THSD4: variants seen among roughly 807,000 people sequenced by gnomAD.
The protein encoded by THSD4 is thrombospondin type-1 domain-containing protein 4.
A neutral mutation model predicts 119.0 loss-of-function variants in THSD4; 69 were observed. The ratio of observed to expected loss-of-function variants is 0.58; its 90% CI spans 0.48 to 0.71. THSD4 has a LOEUF of 0.71. THSD4 is among the 30% of genes least tolerant of loss of function. The pLI is 0.00. For synonymous variants in THSD4, 524 were observed against 540.4 expected (o/e 0.97, Z 0.42); for missense variants, 1,393 against 1,391.1 (o/e 1.00, Z -0.02).
intron 1 of THSD4, among the ~76,000 whole-genome samples, chr15:71,103,735 G>A (rs1201008105): frequency 1.3e-5 from 2 of 151,620 alleles, no homozygotes; most frequent in Non-Finnish European, 2.9e-5. Context: ...CACCACCACT[G>A]CTGCTACAAT....
intron 8 of THSD4, among the ~76,000 whole-genome samples, chr15:71,712,846 A>T (rs986041933): frequency 6.6e-6 from 1 of 152,192 alleles, no homozygotes; most frequent in Non-Finnish European, 1.5e-5. Context: ...TACATACCCT[A>T]TGCTTCCGTT....
chr15:71,777,304 A>G lies in THSD4; in HGVS notation c.2987A>G (p.Tyr996Cys), dbSNP rs764957885. ...VQARLCVYNYYKTACCASCTR... is the reference protein window; with the variant it reads ...VQARLCVYNYCKTACCASCTR... ...GCAAGACTCTGTGTCTACAACTACT[A>G]CAAGACCGCCTGCTGTGCCTCCTGC... The change falls in exon 18 of 18, where the codon TAC (tyrosine) becomes TGC (cysteine). Residue 996 changes from tyrosine (Y) to cysteine (C), a missense_variant. Tyr to Cys is a radical substitution (Grantham distance 194). Transcript: ENST00000261862. The G allele has an allele frequency of 1.2e-6, 2 of 1,614,246 alleles. No individual in the cohort carries two copies. Among genetic ancestry groups the G allele is most frequent in the Non-Finnish European group, 1.7e-6 (2 of 1,180,042 alleles).
intron 8 of THSD4, among the ~76,000 whole-genome samples, chr15:71,726,920 A>C (rs1200500738): frequency 6.6e-6 from 1 of 151,798 alleles, no homozygotes; most frequent in Non-Finnish European, 1.5e-5. Context: ...CTGGGCAACA[A>C]GAACGAAACG....
chr15:71,751,565 C>G (rs1227865646), intron 14 of THSD4, among the ~76,000 whole-genome samples: 6 of 152,022 alleles, frequency 3.9e-5, no homozygotes, highest in African/African-American at 1.4e-4. Context: ...AGCATAAAAT[C>G]TTTAAAACAT....
At chr15:71,109,985 C>A (rs1286816707) in intron 1 of THSD4, among the ~76,000 whole-genome samples, 1 of 152,206 alleles carries the variant, frequency 6.6e-6, no homozygotes, top group Non-Finnish European at 1.5e-5. Context: ...AAAATTAATT[C>A]ATTCAACAAG....
At chr15:71,611,482 C>T (rs528702400) in intron 7 of THSD4, among the ~76,000 whole-genome samples, 12 of 152,336 alleles carry the variant, frequency 7.9e-5, no homozygotes, top group African/African-American at 2.6e-4. Flanking sequence ...TGCCCATTCA[C>T]AGTGAAAACG....
chr15:71,157,276 G>C (rs1253666968), intron 3 of THSD4, among the ~76,000 whole-genome samples: 1 of 152,110 alleles, frequency 6.6e-6, no homozygotes. Context: ...TGCTCTGAGA[G>C]ATGGGGAAAA....
intron 4 of THSD4, among the ~76,000 whole-genome samples, chr15:71,233,789 A>C (rs372811727): frequency 1.3e-5 from 2 of 152,340 alleles, no homozygotes; most frequent in Non-Finnish European, 2.9e-5. Flanking sequence ...CTCTGCTTCT[A>C]TTGCTGAAGG....
chr15:71,492,133 A>T (rs867526395), intron 7 of THSD4, among the ~76,000 whole-genome samples: 1 of 150,538 alleles, frequency 6.6e-6, no homozygotes, highest in South Asian at 2.1e-4. Flanking sequence ...TATATTATGG[A>T]TGTTTTACAC....
chr15:71,313,973 G>T (rs1053798639), intron 6 of THSD4, among the ~76,000 whole-genome samples: 1 of 152,154 alleles, frequency 6.6e-6, no homozygotes, highest in Non-Finnish European at 1.5e-5. Flanking sequence ...GCTCTGATAC[G>T]GATGATGAGG....
Position 71,602,168 on chromosome 15 carries a change from T to A in THSD4, c.1153-58362T>A, listed in dbSNP as rs761316429. Among the ~76,000 whole-genome samples the A allele has an allele frequency of 1.4e-3, 219 of 152,140 alleles. 1 individual carries two copies. Among genetic ancestry groups the A allele is most frequent in the Non-Finnish European group, 1.4e-3 (92 of 68,030 alleles). On this transcript the variant is annotated intron_variant, in intron 7 of 17. Transcript: ENST00000261862. The stretch of plus-strand genomic sequence containing the variant: ...GGTCTGGAGCTAAAGGTCTTTGTAC[T>A]TGAGACACTGAAGGAGCCAAAAAAT...
At chr15:71,333,509 T>TC (rs1201884849) in intron 6 of THSD4, among the ~76,000 whole-genome samples, 1 of 152,200 alleles carries the variant, frequency 6.6e-6, no homozygotes, top group Non-Finnish European at 1.5e-5. Context: ...TTGTTTTTTT[T>TC]CTTGGCCAAG....
intron 7 of THSD4, among the ~76,000 whole-genome samples, chr15:71,580,591 G>A (rs1385114706): frequency 6.6e-6 from 1 of 152,022 alleles, no homozygotes; most frequent in African/African-American, 2.4e-5. Flanking sequence ...TATTTATCTT[G>A]TGTAACTGAA....
intron 1 of THSD4, among the ~76,000 whole-genome samples, chr15:71,125,237 TGCCTGACTCCCAACA>T (rs1409854652): frequency 6.6e-6 from 1 of 152,236 alleles, no homozygotes; most frequent in Non-Finnish European, 1.5e-5. Context: ...CCAGCAGCTC[TGCCTGACTCCCAACA>T]GCCTGCTGGC....
intron 14 of THSD4, among the ~76,000 whole-genome samples, chr15:71,751,688 G>C (rs1417974696): frequency 1.4e-5 from 2 of 145,424 alleles, no homozygotes; most frequent in Non-Finnish European, 3.0e-5. Context: ...TTATTTTTGA[G>C]ACCAGGTCTT....
intron 3 of THSD4, among the ~76,000 whole-genome samples, chr15:71,201,202 G>A (rs965753726): frequency 1.1e-4 from 16 of 151,956 alleles, no homozygotes; most frequent in Admixed American, 3.9e-4. Flanking sequence ...GGAGGACCCC[G>A]TGTTGTAGAA....
At chr15:71,130,261 T>C (rs1316357900) in intron 1 of THSD4, among the ~76,000 whole-genome samples, 2 of 152,096 alleles carry the variant, frequency 1.3e-5, no homozygotes, top group East Asian at 1.9e-4. Flanking sequence ...TCTCGGTTCA[T>C]TGCAGCCTTG....
At chr15:71,184,555 A>G (rs1004266892) in intron 3 of THSD4, among the ~76,000 whole-genome samples, 2 of 151,768 alleles carry the variant, frequency 1.3e-5, no homozygotes, top group African/African-American at 4.8e-5. Flanking sequence ...TTTTGTCTCA[A>G]TTTCATAGAT....
At chr15:71,211,932 G>A (rs1019428961) in intron 3 of THSD4, among the ~76,000 whole-genome samples, 7 of 152,098 alleles carry the variant, frequency 4.6e-5, no homozygotes, top group Middle Eastern at 3.2e-3. Flanking sequence ...CTGTTAGTTC[G>A]TCCTAATTTT....
Sources: gnomAD v4.1 joint callset for allele counts (sites outside exome capture counted in the v4.1 genomes callset) on GRCh38, gnomAD v4.1.1 for gene constraint, MANE v1.5 for transcripts, NCBI Gene and HGNC (gene_info 2026-07-23, HGNC 2026-07-21) for gene names.